The following CYB5R3 variants were observed in gnomAD, a reference collection of about 807,000 sequenced individuals.
CYB5R3 encodes the protein cytochrome b5 reductase 3.
CYB5R3 carries 28 observed loss-of-function variants against 36.5 expected under a neutral mutation model. The ratio of observed to expected loss-of-function variants is 0.77; its 90% confidence interval spans 0.57 to 1.05. The LOEUF (loss-of-function observed/expected upper bound fraction) is 1.05. Ranked by LOEUF, CYB5R3 falls within the 50% of genes least tolerant of loss-of-function variation. The pLI is 0.00. For missense variants in CYB5R3, 474 were observed against 408.9 expected, an observed-to-expected ratio of 1.16 and a Z score of -1.37; for synonymous variants, 181 against 159.8, an observed-to-expected ratio of 1.13 and a Z score of -1.00.
intron 3 of CYB5R3, 174 bp downstream of exon 3, chr22:42,631,204 G>A (rs1235138158): frequency 2.6e-5 from 20 of 768,788 alleles, no homozygotes; most frequent in Non-Finnish European, 4.1e-5. Context: ...CAGGGACTCT[G>A]GGCCTTCCCA....
intron 6 of CYB5R3, 28 bp downstream of exon 6, chr22:42,627,577 G>A (rs369946046): frequency 1.1e-4 from 168 of 1,597,284 alleles, no homozygotes; most frequent in Non-Finnish European, 1.4e-4. Flanking sequence ...ATGAGCCGCC[G>A]GACGCCTCAG....
chr22:42,630,988 C>T lies in CYB5R3; in HGVS notation c.227G>A (p.Gly76Asp), dbSNP rs1180621698. ...TCGAGCCGAGAGGTAGATGTGCTGG[C>T]CTGCAGGACAGAACGGGGTCACTCT... ...SPQHILGLPV[G>D]QHIYLSARID... The change falls in exon 4 of 9, where the codon GGC (glycine) becomes GAC (aspartate). Residue 76 changes from glycine to aspartate, a missense_variant and splice_region_variant. Coordinates refer to ENST00000352397, the MANE Select transcript of CYB5R3 (RefSeq NM_000398.7). 1 of 1,613,492 alleles carries T rather than the reference C, an allele frequency of 6.2e-7. No homozygotes were observed.
intron 8 of CYB5R3, among the ~76,000 whole-genome samples, chr22:42,622,286 C>T (rs1034298919): frequency 5.3e-5 from 8 of 152,140 alleles, no homozygotes; most frequent in Admixed American, 2.6e-4. Flanking sequence ...GGCTGACCTC[C>T]GCTCCAGCCG....
rs771213141 is a variant in CYB5R3, at chr22:42,619,811, G to C, written c.868C>G (p.His290Asp). 15 of 1,599,278 alleles carry C rather than the reference G, an allele frequency of 9.4e-6. No homozygotes were observed. In the South Asian group the frequency reaches 1.7e-4, roughly 18 times the overall value. The change falls in exon 9 of 9, where the codon CAC becomes GAC. Residue 290 changes from histidine (H) to aspartate (D), a missense_variant. Transcript: ENST00000352397. ...IQYACLPNLDHVGHPTERCFV... is the reference protein window; with the variant it reads ...IQYACLPNLDDVGHPTERCFV... ...CAGCGCTCCGTGGGGTGGCCCACGTGGTCCAGGTTGGGAAGGCAGGCGTAC... is the reference window on the plus strand; with the variant it reads ...CAGCGCTCCGTGGGGTGGCCCACGTCGTCCAGGTTGGGAAGGCAGGCGTAC...
intron 7 of CYB5R3, among the ~76,000 whole-genome samples, chr22:42,624,206 G>A (rs561376893): frequency 1.4e-4 from 21 of 152,310 alleles, no homozygotes; most frequent in Non-Finnish European, 2.8e-4. Context: ...GCCAAGCTGC[G>A]CGACAGCAAA....
intron 1 of CYB5R3, among the ~76,000 whole-genome samples, chr22:42,641,538 T>G (rs982586160): frequency 6.6e-6 from 1 of 152,104 alleles, no homozygotes; most frequent in East Asian, 1.9e-4. Context: ...CAGGCTGGAG[T>G]GCAGTGGTGA....
Position 42,639,910 on chromosome 22 carries a change from TC to T in CYB5R3, c.22-3065del, listed in dbSNP as rs1314111145. Reference sequence around the variant, plus strand: ...CAGATAGCAGTCTGATCACACCTGGTCCAACAACACTCAAATAATAAATCAA... The same window carrying T: ...CAGATAGCAGTCTGATCACACCTGGTCAACAACACTCAAATAATAAATCAA... On this transcript the variant is annotated intron_variant, in intron 1 of 8. Coordinates refer to ENST00000352397, the MANE Select transcript of CYB5R3 (RefSeq NM_000398.7). 4.6e-6 allele frequency: 7 copies of T among 1,522,032 alleles called. No homozygotes were observed. The African/African-American group carries it at 9.6e-5, about 21-fold the overall frequency. The allele number at this position is 1,522,032 out of a possible 1,614,324, so 94.3% of individuals were successfully genotyped here.
chr22:42,621,181 T>TGTGTG (rs1206839780), intron 8 of CYB5R3, among the ~76,000 whole-genome samples: 2 of 127,972 alleles, frequency 1.6e-5, no homozygotes, highest in African/African-American at 6.7e-5. Flanking sequence ...CGATTTCTTT[T>TGTGTG]TAGTGTGTGT....
intron 1 of CYB5R3, among the ~76,000 whole-genome samples, chr22:42,638,529 C>T (rs1929031407): frequency 7.1e-6 from 1 of 141,330 alleles, no homozygotes. Flanking sequence ...CATAGCAAAA[C>T]TCTGTCTCTG....
chr22:42,635,030 C>T (rs1267021590), intron 2 of CYB5R3, among the ~76,000 whole-genome samples: 8 of 148,136 alleles, frequency 5.4e-5, no homozygotes, highest in Non-Finnish European at 1.2e-4. Context: ...AGTGCAGTGG[C>T]GCAATCTCGG....
At chr22:42,640,217 C>T (rs1445417831) in intron 1 of CYB5R3, 2 of 1,598,968 alleles carry the variant, frequency 1.3e-6, no homozygotes, top group Non-Finnish European at 8.5e-7. Context: ...AAGTAAGTCA[C>T]AGCAGCATTC....
intron 1 of CYB5R3, among the ~76,000 whole-genome samples, chr22:42,641,579 G>A (rs973320303): frequency 2.0e-5 from 3 of 152,106 alleles, no homozygotes; most frequent in Non-Finnish European, 4.4e-5. Context: ...TCCACCTCCC[G>A]GGTTCAATCG....
intron 1 of CYB5R3, among the ~76,000 whole-genome samples, chr22:42,642,441 AATT>A (rs776992879): frequency 1.3e-5 from 2 of 151,742 alleles, no homozygotes; most frequent in Non-Finnish European, 2.9e-5. Flanking sequence ...GTAACTTTGA[AATT>A]ATTATTTTTT....
rs1411588681 is a variant in CYB5R3 at position 42,618,846 on chromosome 22, T to C, written c.*927A>G. On this transcript the variant is annotated 3_prime_UTR_variant, in exon 9 of 9. Transcript: ENST00000352397. ...AGCAAAGTTTTACTTTTTTTTTTTC[T>C]GCTCATAAATGACTCTGAAAAAGCC... is the stretch of plus-strand genomic sequence containing the variant. 2 of 151,972 alleles carry C rather than the reference T, an allele frequency of 1.3e-5. No individual in the cohort carries two copies. The highest frequency in any genetic ancestry group is 2.9e-5 in the Non-Finnish European group (2 of 67,982). 9.4% of individuals were successfully genotyped at this position (151,972 alleles called of 1,614,324 possible).
intron 1 of CYB5R3, 95 bp downstream of exon 1, chr22:42,649,199 GT>G: frequency 8.0e-6 from 4 of 497,338 alleles, no homozygotes; most frequent in Non-Finnish European, 1.1e-5. Context: ...TGCGGCCCGG[GT>G]CCCGCGTCAC....
chr22:42,632,797 T>C (rs2267455), intron 2 of CYB5R3: 27,904 of 151,338 alleles, frequency 0.18, 3,519 homozygotes, highest in East Asian at 0.58. Flanking sequence ...GAGGCCGAGG[T>C]GGGCGAATCA....
At chr22:42,624,563 G>A (rs911235616) in intron 7 of CYB5R3, among the ~76,000 whole-genome samples, 12 of 148,254 alleles carry the variant, frequency 8.1e-5, no homozygotes, top group Non-Finnish European at 1.5e-4. Flanking sequence ...GGGGCTATCA[G>A]GGATCTCCCC....
chr22:42,627,200 G>T, intron 7 of CYB5R3, 104 bp downstream of exon 7: 1 of 985,422 alleles, frequency 1.0e-6, no homozygotes. Flanking sequence ...GTCATCCCCA[G>T]AATCTCAGCA....
chr22:42,644,398 T>C (rs1929438184), intron 1 of CYB5R3: 3 of 712,970 alleles, frequency 4.2e-6, no homozygotes, highest in Non-Finnish European at 7.6e-6. Context: ...ACCTCCCAGC[T>C]CTCTGCTCTT....
Sources: allele counts gnomAD v4.1 joint callset (sites outside exome capture counted in the v4.1 genomes callset), GRCh38; gene constraint gnomAD v4.1.1; transcripts MANE v1.5; gene names NCBI Gene and HGNC (gene_info 2026-07-23, HGNC 2026-07-21).